Variants in MSRA observed in about 807,000 individuals in gnomAD.
MSRA encodes the protein methionine sulfoxide reductase A.
In MSRA, 54 loss-of-function variants were observed where a neutral mutation model predicts 31.3. The observed-to-expected ratio is 1.73, with a 90% CI of 1.39 to 2.17. MSRA has a LOEUF of 2.17. Among genes scored for constraint, MSRA ranks in the 30% most tolerant of loss-of-function variants. MSRA has a pLI of 0.00. For missense variants in MSRA, 507 were observed against 300.9 expected (o/e 1.69, Z -5.07); for synonymous variants, 169 against 116.5 (o/e 1.45, Z -2.90).
At chr8:10,167,136 C>G (rs553614987) in intron 1 of MSRA, among the ~76,000 whole-genome samples, 1 of 152,162 alleles carries the variant, frequency 6.6e-6, no homozygotes, top group African/African-American at 2.4e-5. Context: ...TCCCCAGGTC[C>G]CCTCTCCCAT....
intron 1 of MSRA, among the ~76,000 whole-genome samples, chr8:10,072,419 T>G (rs895854198): frequency 6.6e-6 from 1 of 152,180 alleles, no homozygotes; most frequent in African/African-American, 2.4e-5. Context: ...TTGGCCATAT[T>G]TGTGTGGGTC....
Position 10,189,000 on chromosome 8 carries a change from A to T in MSRA, c.143-18833A>T, listed in dbSNP as rs561987382. Reference sequence around the variant, plus strand: ...CAGAGTCTTTCAGTTTATGAACATGATGTATCTTTCCATTGATTTCTATAT... The same window carrying T: ...CAGAGTCTTTCAGTTTATGAACATGTTGTATCTTTCCATTGATTTCTATAT... On this transcript the variant is annotated intron_variant, in intron 1 of 5. Transcript: ENST00000317173. Among the ~76,000 whole-genome samples the T allele has an allele frequency of 3.3e-5, 5 of 152,294 alleles. No individual in the cohort carries two copies. In the South Asian group the frequency reaches 1.0e-3, roughly 32 times the overall value.
At chr8:10,095,990 C>A (rs1310762327) in intron 1 of MSRA, 9 of 1,436,908 alleles carry the variant, frequency 6.3e-6, no homozygotes, top group Non-Finnish European at 8.3e-6. Context: ...TTCATCAATA[C>A]AAACCTGCTT....
At chr8:10,227,422 G>C (rs571517656) in intron 2 of MSRA, among the ~76,000 whole-genome samples, 1 of 152,254 alleles carries the variant, frequency 6.6e-6, no homozygotes, top group African/African-American at 2.4e-5. Context: ...TTTGAGCTTT[G>C]ACTGAACACT....
chr8:10,305,220 C>T (rs745783900), intron 4 of MSRA, among the ~76,000 whole-genome samples: 1 of 152,088 alleles, frequency 6.6e-6, no homozygotes, highest in Non-Finnish European at 1.5e-5. Context: ...TTGCTGATGT[C>T]AATGGTCTTA....
rs1810898447 is a variant in MSRA at position 10,225,324 on chromosome 8, G to C, written c.211+17423G>C. On this transcript the variant is annotated intron_variant, in intron 2 of 5. Coordinates refer to ENST00000317173, the MANE Select transcript of MSRA (RefSeq NM_012331.5). ...AACCCTTCTTTGTGCCTTTGTTTAT[G>C]GGATAAGGTTTATCGCCTTGCATTA... Among the ~76,000 whole-genome samples, 3 of 152,096 alleles carry C rather than the reference G, an allele frequency of 2.0e-5. No homozygotes were observed. The South Asian group carries it at 6.2e-4, about 32-fold the overall frequency.
chr8:10,228,499 A>G (rs778929312), intron 2 of MSRA, among the ~76,000 whole-genome samples: 3 of 152,126 alleles, frequency 2.0e-5, no homozygotes, highest in Non-Finnish European at 2.9e-5. Context: ...CACTGAATCT[A>G]TGTAATGAAT....
At chr8:10,080,791 G>A (rs962989016) in intron 1 of MSRA, among the ~76,000 whole-genome samples, 2 of 151,572 alleles carry the variant, frequency 1.3e-5, no homozygotes, top group African/African-American at 4.9e-5. Flanking sequence ...CTCCTGCCTC[G>A]GCCTCCCAAA....
intron 5 of MSRA, among the ~76,000 whole-genome samples, chr8:10,367,153 A>G (rs924685862): frequency 2.0e-5 from 3 of 152,038 alleles, no homozygotes; most frequent in Non-Finnish European, 4.4e-5. Flanking sequence ...TCATCCCTTT[A>G]TCTAGTGGAT....
At chr8:10,338,281 T>C (rs1434180019) in intron 5 of MSRA, among the ~76,000 whole-genome samples, 2 of 152,116 alleles carry the variant, frequency 1.3e-5, no homozygotes, top group Admixed American at 6.5e-5. Flanking sequence ...ATCTCACTTA[T>C]ATGTGGAATC....
chr8:10,119,975 C>A (rs1056420803), intron 1 of MSRA, among the ~76,000 whole-genome samples: 2 of 152,144 alleles, frequency 1.3e-5, no homozygotes, highest in Non-Finnish European at 2.9e-5. Context: ...AGAGCAATGA[C>A]AAGTATTGAA....
chr8:10,348,741 A>G (rs1257976952), intron 5 of MSRA, among the ~76,000 whole-genome samples: 2 of 151,618 alleles, frequency 1.3e-5, no homozygotes, highest in Non-Finnish European at 2.9e-5. Flanking sequence ...ACTCATTAAA[A>G]CTCGGCAGTT....
At chr8:10,252,980 C>G (rs929501857) in intron 3 of MSRA, among the ~76,000 whole-genome samples, 4 of 152,132 alleles carry the variant, frequency 2.6e-5, no homozygotes, top group African/African-American at 4.8e-5. Flanking sequence ...ATAGGTAGTT[C>G]AAAGTTGAAA....
intron 2 of MSRA, among the ~76,000 whole-genome samples, chr8:10,213,937 A>C (rs1383340806): frequency 6.6e-6 from 1 of 152,118 alleles, no homozygotes; most frequent in Non-Finnish European, 1.5e-5. Flanking sequence ...CTGCAGTGAG[A>C]AACCTTAATG....
chr8:10,061,100 C>T (rs1563384909), intron 1 of MSRA, among the ~76,000 whole-genome samples: 1 of 152,072 alleles, frequency 6.6e-6, no homozygotes, highest in Non-Finnish European at 1.5e-5. Context: ...CCCTGAAGTC[C>T]CTGGGATGAG....
intron 1 of MSRA, among the ~76,000 whole-genome samples, chr8:10,089,754 A>G (rs2128926881): frequency 6.6e-6 from 1 of 152,302 alleles, no homozygotes; most frequent in Non-Finnish European, 1.5e-5. Context: ...TCAAAGGAGA[A>G]GCGAGCACCT....
intron 3 of MSRA, among the ~76,000 whole-genome samples, chr8:10,300,045 G>C (rs1800757089): frequency 6.6e-6 from 1 of 152,128 alleles, no homozygotes. Context: ...TTTTCTAAAA[G>C]TTTTAGTGAC....
Position 10,100,749 on chromosome 8 carries a change from C to A in MSRA, c.142+46091C>A, listed in dbSNP as rs568441986. Among the ~76,000 whole-genome samples, 3 of 152,184 alleles carry A rather than the reference C, an allele frequency of 2.0e-5. No individual in the cohort carries two copies. The East Asian group carries it at 5.8e-4, about 29-fold the overall frequency. Reference sequence around the variant, plus strand: ...TCAGGTTATTTTATTTCTCCAAAAGCAAGCAGAAAGTGAAAAATGTTACCT... The same window carrying A: ...TCAGGTTATTTTATTTCTCCAAAAGAAAGCAGAAAGTGAAAAATGTTACCT... On this transcript the variant is annotated intron_variant, in intron 1 of 5. Coordinates refer to ENST00000317173, the MANE Select transcript of MSRA (RefSeq NM_012331.5).
intron 1 of MSRA, among the ~76,000 whole-genome samples, chr8:10,089,400 G>C (rs1301814521): frequency 6.6e-6 from 1 of 152,096 alleles, no homozygotes; most frequent in Non-Finnish European, 1.5e-5. Flanking sequence ...AGGTTTTGAG[G>C]CCACCAGTAA....
Sources: allele counts gnomAD v4.1 joint callset (sites outside exome capture counted in the v4.1 genomes callset), GRCh38; gene constraint gnomAD v4.1.1; transcripts MANE v1.5; gene names NCBI Gene and HGNC (gene_info 2026-07-23, HGNC 2026-07-21).